The following MARCHF3 variants were observed in gnomAD, a reference collection of about 807,000 sequenced individuals.
MARCHF3 encodes membrane associated ring-CH-type finger 3, also known as E3 ubiquitin-protein ligase MARCHF3.
A neutral mutation model predicts 24.2 loss-of-function variants in MARCHF3; 13 were observed. The ratio of observed to expected loss-of-function variants is 0.54; its 90% confidence interval spans 0.35 to 0.85. The LOEUF (loss-of-function observed/expected upper bound fraction) is 0.85, where lower values mean the gene tolerates loss of function less well. Among genes scored for constraint, MARCHF3 ranks in the 40% least tolerant of loss-of-function variants. The probability of loss-of-function intolerance (pLI) is 0.01; values close to 1 mark genes in which losing one functional copy is unlikely to be tolerated. For synonymous variants in MARCHF3, 144 were observed against 137.3 expected (o/e 1.05, Z -0.34); for missense variants, 276 against 325.0 (o/e 0.85, Z 1.16).
At position 126,914,767 on chromosome 5, in the gene MARCHF3, AACACACACACACAC is replaced by A. The variant is rs58386463; in HGVS notation, c.393+149_393+162del. 5.2e-4 allele frequency: 250 copies of A among 484,398 alleles called. 1 individual carries two copies. The highest frequency in any genetic ancestry group is 7.4e-4 in the African/African-American group (32 of 43,408). 30.0% of individuals were successfully genotyped at this position (484,398 alleles called of 1,614,324 possible). A position where few individuals can be genotyped will look rare whatever the true frequency, so the allele number is the denominator to read the frequency against. ...TGTCTGTCTACATCTCTCTTTCTCA[AACACACACACACAC>A]ACACACACACACACACACACACACA... On this transcript the variant is annotated intron_variant, in intron 3 of 4. Coordinates refer to ENST00000308660, the MANE Select transcript of MARCHF3 (RefSeq NM_178450.5).
At chr5:126,882,646 G>A (rs911221673) in intron 3 of MARCHF3, among the ~76,000 whole-genome samples, 1 of 152,140 alleles carries the variant, frequency 6.6e-6, no homozygotes, top group African/African-American at 2.4e-5. Flanking sequence ...CAGAAGGCAG[G>A]CTTGTTTGTG....
At chr5:126,973,929 C>T (rs371666995) in intron 1 of MARCHF3, among the ~76,000 whole-genome samples, 6,772 of 123,900 alleles carry the variant, frequency 0.055, 304 homozygotes, top group Middle Eastern at 0.14. Flanking sequence ...CTCGCTCTGT[C>T]GCCCAGGCCG....
At chr5:127,029,452 T>C (rs566139377) in intron 1 of MARCHF3, among the ~76,000 whole-genome samples, 4 of 152,342 alleles carry the variant, frequency 2.6e-5, no homozygotes, top group African/African-American at 9.6e-5. Flanking sequence ...ATAAACTACA[T>C]GCATGTAGTT....
chr5:127,002,682 T>A (rs1752167216), intron 1 of MARCHF3, among the ~76,000 whole-genome samples: 1 of 152,236 alleles, frequency 6.6e-6, no homozygotes, highest in Admixed American at 6.5e-5. Flanking sequence ...ACAAGCCATT[T>A]TCCAGAGCCT....
At chr5:126,906,786 T>A (rs890196539) in intron 3 of MARCHF3, among the ~76,000 whole-genome samples, 1 of 152,216 alleles carries the variant, frequency 6.6e-6, no homozygotes, top group Non-Finnish European at 1.5e-5. Context: ...ATTCGTTAAT[T>A]TTTTGAAAGG....
chr5:126,963,908 A>G (rs1287071536), intron 1 of MARCHF3, among the ~76,000 whole-genome samples: 1 of 152,222 alleles, frequency 6.6e-6, no homozygotes, highest in African/African-American at 2.4e-5. Context: ...AAGGGGAAGC[A>G]TCAGGGGCTG....
chr5:126,973,109 A>T (rs1037133998), intron 1 of MARCHF3, among the ~76,000 whole-genome samples: 1 of 152,258 alleles, frequency 6.6e-6, no homozygotes, highest in African/African-American at 2.4e-5. Flanking sequence ...CCATGTCACC[A>T]ATATCTCCCT....
intron 3 of MARCHF3, among the ~76,000 whole-genome samples, chr5:126,912,523 T>A (rs925244480): frequency 2.6e-5 from 4 of 151,958 alleles, no homozygotes; most frequent in African/African-American, 9.7e-5. Flanking sequence ...AACTGAGAAA[T>A]AAAGTAACAC....
At chr5:126,902,506 A>G (rs1010869120) in intron 3 of MARCHF3, among the ~76,000 whole-genome samples, 2 of 152,042 alleles carry the variant, frequency 1.3e-5, no homozygotes, top group African/African-American at 4.8e-5. Context: ...AAATAACAGA[A>G]TCTGGTTATG....
rs1405559078 is a variant in MARCHF3 at position 126,915,002 on chromosome 5, G to A, written c.321C>T (p.Ser107=). ...AGAGTTCACAGTAGCTGGTGTTTGA[G>A]GATGACAGCCAGTGCTCCAGGCAGC... is the stretch of plus-strand genomic sequence containing the variant. ...HRSCLEHWLS[S]SNTSYCELCH... is the part of the protein sequence containing the mutation. Residue 107 remains serine, a synonymous_variant, in exon 3 of 5, where the codon TCC becomes TCT. Transcript: ENST00000308660. 1.2e-6 allele frequency: 2 copies of A among 1,614,154 alleles called. No individual in the cohort carries two copies. Among genetic ancestry groups the A allele is most frequent in the Non-Finnish European group, 1.7e-6 (2 of 1,180,022 alleles).
intron 1 of MARCHF3, among the ~76,000 whole-genome samples, chr5:127,007,435 A>G (rs966333360): frequency 6.6e-6 from 1 of 151,638 alleles, no homozygotes; most frequent in African/African-American, 2.4e-5. Context: ...TTAAACATTG[A>G]TGAAAAATTA....
chr5:127,026,113 TTATAA>T (rs1458707835), intron 1 of MARCHF3, among the ~76,000 whole-genome samples: 4 of 151,462 alleles, frequency 2.6e-5, no homozygotes, highest in African/African-American at 9.7e-5. Flanking sequence ...AAAAAAAAAG[TTATAA>T]TAGAATTGTT....
intron 3 of MARCHF3, among the ~76,000 whole-genome samples, chr5:126,902,101 T>A (rs1418894679): frequency 6.6e-6 from 1 of 152,122 alleles, no homozygotes; most frequent in Non-Finnish European, 1.5e-5. Context: ...TCTCTTCTGT[T>A]AACTTCCTCT....
At position 126,898,954 on chromosome 5, in the gene MARCHF3, C is replaced by G. The variant is rs576497789; in HGVS notation, c.393+15976G>C. On this transcript the variant is annotated intron_variant, in intron 3 of 4. Coordinates refer to ENST00000308660, the MANE Select transcript of MARCHF3 (RefSeq NM_178450.5). The stretch of plus-strand genomic sequence containing the variant: ...ATAAGTGGCACATCTAAGAATTAAA[C>G]TTTTTTTTTTAGTATCCAAACTAAA... 1.3e-4 allele frequency: 117 copies of G among 899,408 alleles called. No individual in the cohort carries two copies. The African/African-American group carries it at 2.0e-3, about 16-fold the overall frequency. 55.7% of individuals were successfully genotyped at this position (899,408 alleles called of 1,614,324 possible).
At chr5:126,968,428 T>C (rs138182802) in intron 1 of MARCHF3, among the ~76,000 whole-genome samples, 1 of 152,350 alleles carries the variant, frequency 6.6e-6, no homozygotes, top group African/African-American at 2.4e-5. Flanking sequence ...ATTCTATCCA[T>C]CTTAGTGGAT....
intron 1 of MARCHF3, among the ~76,000 whole-genome samples, chr5:127,021,239 T>C (rs1752795632): frequency 6.6e-6 from 1 of 151,454 alleles, no homozygotes; most frequent in Non-Finnish European, 1.5e-5. Flanking sequence ...AGGGATGGAG[T>C]AGGATTATTG....
intron 1 of MARCHF3, among the ~76,000 whole-genome samples, chr5:127,022,167 A>C (rs1401080244): frequency 6.6e-6 from 1 of 152,208 alleles, no homozygotes; most frequent in Non-Finnish European, 1.5e-5. Flanking sequence ...TGTTGGTGAG[A>C]ACTAAGGTTT....
At chr5:126,977,562 C>T (rs918939384) in intron 1 of MARCHF3, among the ~76,000 whole-genome samples, 3 of 152,056 alleles carry the variant, frequency 2.0e-5, no homozygotes, top group Non-Finnish European at 4.4e-5. Flanking sequence ...TCTTTCACAC[C>T]GTTGCTTGGA....
At chr5:126,913,690 G>A (rs74919468) in intron 3 of MARCHF3, among the ~76,000 whole-genome samples, 3,089 of 152,334 alleles carry the variant, frequency 0.02, 72 homozygotes, top group South Asian at 0.11. Flanking sequence ...AACAGGCCCC[G>A]GTTATAGGTC....
Sources: gnomAD v4.1 joint callset for allele counts (sites outside exome capture counted in the v4.1 genomes callset) on GRCh38, gnomAD v4.1.1 for gene constraint, MANE v1.5 for transcripts, NCBI Gene and HGNC (gene_info 2026-07-23, HGNC 2026-07-21) for gene names.